PTPRN2: variants seen among roughly 807,000 people sequenced by gnomAD.
PTPRN2 encodes the protein receptor-type tyrosine-protein phosphatase N2.
A neutral mutation model predicts 118.8 loss-of-function variants in PTPRN2; 74 were observed. The observed-to-expected ratio is 0.62, with a 90% CI of 0.52 to 0.76. The LOEUF (loss-of-function observed/expected upper bound fraction) is 0.76, where lower values mean the gene tolerates loss of function less well. Among genes scored for constraint, PTPRN2 ranks in the 30% least tolerant of loss-of-function variants. The pLI, the probability that PTPRN2 is intolerant of heterozygous loss-of-function variation, is 0.00. For synonymous variants in PTPRN2, 641 were observed against 608.0 expected, an observed-to-expected ratio of 1.05 and a Z score of -0.80; for missense variants, 1,481 against 1,394.4, an observed-to-expected ratio of 1.06 and a Z score of -0.99.
At chr7:158,441,507 GGCA>G (rs1411295825) in intron 2 of PTPRN2, among the ~76,000 whole-genome samples, 20 of 144,178 alleles carry the variant, frequency 1.4e-4, no homozygotes, top group Non-Finnish European at 2.7e-4. Context: ...TGATGGTGAT[GGCA>G]GTGGTGGCAG....
At chr7:157,774,630 C>T (rs539989830) in intron 12 of PTPRN2, among the ~76,000 whole-genome samples, 1 of 152,270 alleles carries the variant, frequency 6.6e-6, no homozygotes, top group African/African-American at 2.4e-5. Flanking sequence ...AAAGTGGGCT[C>T]AGGGCTCAGA....
intron 10 of PTPRN2, among the ~76,000 whole-genome samples, chr7:158,092,406 G>C (rs1428690760): frequency 6.6e-6 from 1 of 151,646 alleles, no homozygotes; most frequent in Non-Finnish European, 1.5e-5. Flanking sequence ...AGATATATGG[G>C]TGGATGGCTG....
At chr7:157,962,088 T>A (rs1244085701) in intron 11 of PTPRN2, among the ~76,000 whole-genome samples, 7 of 152,240 alleles carry the variant, frequency 4.6e-5, no homozygotes, top group Non-Finnish European at 1.5e-5. Context: ...AAACACAGGA[T>A]GTGAAAGTAT....
intron 12 of PTPRN2, among the ~76,000 whole-genome samples, chr7:157,885,448 T>A (rs1796399328): frequency 1.3e-5 from 2 of 152,134 alleles, no homozygotes; most frequent in African/African-American, 4.8e-5. Context: ...CAGAAGGGCA[T>A]GGGGCTTTCA....
At chr7:158,468,940 T>C (rs1202628191) in intron 2 of PTPRN2, among the ~76,000 whole-genome samples, 1 of 149,386 alleles carries the variant, frequency 6.7e-6, no homozygotes, top group Admixed American at 6.7e-5. Flanking sequence ...GGATCAACAG[T>C]AGGCACACCC....
intron 1 of PTPRN2, among the ~76,000 whole-genome samples, chr7:158,569,173 A>G (rs1827827012): frequency 6.6e-6 from 1 of 152,192 alleles, no homozygotes; most frequent in African/African-American, 2.4e-5. Context: ...AAATCTCAGG[A>G]ATTTAGGTAT....
At chr7:158,566,667 C>T (rs1043166618) in intron 1 of PTPRN2, among the ~76,000 whole-genome samples, 3 of 152,176 alleles carry the variant, frequency 2.0e-5, no homozygotes, top group Admixed American at 1.3e-4. Flanking sequence ...GGCCACCCTT[C>T]GCGGGGTTTG....
chr7:158,534,212 C>G (rs35425796), intron 1 of PTPRN2, among the ~76,000 whole-genome samples: 11 of 63,080 alleles, frequency 1.7e-4, no homozygotes, highest in Admixed American at 6.2e-4. Flanking sequence ...GACCACCCAC[C>G]CCCCGGGCTC....
At chr7:158,162,875 C>T (rs1321391431) in intron 6 of PTPRN2, among the ~76,000 whole-genome samples, 2 of 152,334 alleles carry the variant, frequency 1.3e-5, no homozygotes, top group East Asian at 3.9e-4. Flanking sequence ...CTCCCACTCT[C>T]TGAAGACTAA....
chr7:158,247,242 G>A (rs55990403), intron 3 of PTPRN2, among the ~76,000 whole-genome samples: 88,003 of 152,002 alleles, frequency 0.58, 25,906 homozygotes, highest in Non-Finnish European at 0.64. Flanking sequence ...GCTCTGAGAC[G>A]CCCCCTGGCC....
intron 3 of PTPRN2, among the ~76,000 whole-genome samples, chr7:158,294,334 T>C (rs1053906953): frequency 4.6e-5 from 7 of 152,214 alleles, no homozygotes; most frequent in Admixed American, 3.9e-4. Flanking sequence ...CTCAAATACA[T>C]AAAAATAAGA....
intron 10 of PTPRN2, among the ~76,000 whole-genome samples, chr7:158,086,016 C>T (rs758655800): frequency 7.2e-5 from 11 of 152,236 alleles, no homozygotes; most frequent in African/African-American, 4.8e-5. Flanking sequence ...ATTGTAACCA[C>T]GTGTCCCGGC....
chr7:158,146,634 T>A (rs1443538725), intron 6 of PTPRN2, among the ~76,000 whole-genome samples: 1 of 146,378 alleles, frequency 6.8e-6, no homozygotes, highest in Non-Finnish European at 1.5e-5. Context: ...GGCAGAAGAA[T>A]GGTGTGAACC....
chr7:157,766,743 C>T (rs760177697), intron 12 of PTPRN2, among the ~76,000 whole-genome samples: 3 of 152,250 alleles, frequency 2.0e-5, no homozygotes, highest in Non-Finnish European at 4.4e-5. Flanking sequence ...GACACCATTT[C>T]TTGGAGGACA....
intron 1 of PTPRN2, among the ~76,000 whole-genome samples, chr7:158,513,855 C>T (rs1266297912): frequency 6.6e-6 from 1 of 152,202 alleles, no homozygotes; most frequent in Non-Finnish European, 1.5e-5. Flanking sequence ...TTCACATTTT[C>T]TTCAAGGAAC....
At chr7:157,976,588 G>A (rs145515502) in intron 11 of PTPRN2, among the ~76,000 whole-genome samples, 14 of 151,660 alleles carry the variant, frequency 9.2e-5, no homozygotes, top group African/African-American at 3.1e-4. Context: ...GCATGTGCCT[G>A]TGCGGCTGCC....
At chr7:158,289,950 G>C (rs1800005606) in intron 3 of PTPRN2, among the ~76,000 whole-genome samples, 1 of 152,192 alleles carries the variant, frequency 6.6e-6, no homozygotes. Context: ...AGTGAGCCTT[G>C]GCCTGGATCC....
At chr7:157,582,414 C>T (rs1015128195) in intron 17 of PTPRN2, among the ~76,000 whole-genome samples, 3 of 152,184 alleles carry the variant, frequency 2.0e-5, no homozygotes, top group Non-Finnish European at 4.4e-5. Flanking sequence ...TGAATGTCAT[C>T]AGCCATCAGG....
intron 12 of PTPRN2, among the ~76,000 whole-genome samples, chr7:157,846,761 G>A (rs1019403546): frequency 1.3e-5 from 2 of 149,366 alleles, no homozygotes; most frequent in African/African-American, 2.5e-5. Context: ...CGTGCCCGAT[G>A]TCTACAGAGC....
Sources: allele counts gnomAD v4.1 joint callset (sites outside exome capture counted in the v4.1 genomes callset), GRCh38; gene constraint gnomAD v4.1.1; transcripts MANE v1.5; gene names NCBI Gene and HGNC (gene_info 2026-07-23, HGNC 2026-07-21).